Variants in STPG2 observed in about 807,000 individuals in gnomAD.
STPG2 encodes the protein sperm tail PG-rich repeat containing 2, also known as sperm-tail PG-rich repeat-containing protein 2.
STPG2 carries 56 observed loss-of-function variants against 54.2 expected under a neutral mutation model. The ratio of observed to expected loss-of-function variants is 1.03; its 90% confidence interval spans 0.83 to 1.29. STPG2 has a LOEUF of 1.29. STPG2 is among the 50% of genes most tolerant of loss of function. The pLI is 0.00. For missense variants in STPG2, 596 were observed against 544.9 expected (o/e 1.09, Z -0.93); for synonymous variants, 200 against 181.8 (o/e 1.10, Z -0.81).
At chr4:98,031,899 G>A (rs1736612251) in intron 5 of STPG2, among the ~76,000 whole-genome samples, 1 of 151,956 alleles carries the variant, frequency 6.6e-6, no homozygotes, top group Non-Finnish European at 1.5e-5. Flanking sequence ...ATCAAAAAGT[G>A]GGCTAAGGAC....
At chr4:97,493,340 G>A (rs1050447649) in intron 4 of STPG2, among the ~76,000 whole-genome samples, 1 of 151,408 alleles carries the variant, frequency 6.6e-6, no homozygotes, top group African/African-American at 2.4e-5. Context: ...GTAGTTTGTA[G>A]TGCAGCAATG....
intron 10 of STPG2, among the ~76,000 whole-genome samples, chr4:97,677,257 T>G (rs1722881160): frequency 6.6e-6 from 1 of 152,202 alleles, no homozygotes; most frequent in Non-Finnish European, 1.5e-5. Flanking sequence ...TTTGATGTAT[T>G]GAACAATTGA....
chr4:98,109,863 T>C (rs1466483850), intron 3 of STPG2, among the ~76,000 whole-genome samples: 4 of 152,136 alleles, frequency 2.6e-5, no homozygotes, highest in African/African-American at 9.7e-5. Flanking sequence ...AGAGAAATTA[T>C]TTGTGACATG....
intron 10 of STPG2, among the ~76,000 whole-genome samples, chr4:97,678,292 G>T (rs372790401): frequency 6.6e-6 from 1 of 152,002 alleles, no homozygotes; most frequent in Non-Finnish European, 1.5e-5. Context: ...TTAAATTACA[G>T]ATTTCTCTAC....
downstream of STPG2, among the ~76,000 whole-genome samples, chr4:97,556,803 T>C (rs192092215): frequency 6.0e-4 from 92 of 152,152 alleles, 1 homozygote; most frequent in Middle Eastern, 6.8e-3. Context: ...TTTTATAAGA[T>C]TGAAAGAATA....
chr4:97,583,272 G>A (rs1464030580), intron 10 of STPG2, among the ~76,000 whole-genome samples: 2 of 151,878 alleles, frequency 1.3e-5, no homozygotes, highest in Admixed American at 1.3e-4. Flanking sequence ...AATGGAAGAG[G>A]TGTTTTTAGG....
At chr4:98,094,152 T>C (rs1738774500) in intron 5 of STPG2, among the ~76,000 whole-genome samples, 1 of 152,132 alleles carries the variant, frequency 6.6e-6, no homozygotes, top group Non-Finnish European at 1.5e-5. Flanking sequence ...AGTGACTCCT[T>C]CCTTCTGCTT....
At chr4:98,046,842 T>A (rs913290144) in intron 5 of STPG2, among the ~76,000 whole-genome samples, 3 of 152,110 alleles carry the variant, frequency 2.0e-5, no homozygotes, top group Admixed American at 6.5e-5. Flanking sequence ...CAGAAACAGG[T>A]GGAATAGCTG....
intron 9 of STPG2, among the ~76,000 whole-genome samples, chr4:97,741,959 C>A (rs1578525287): frequency 6.6e-6 from 1 of 152,078 alleles, no homozygotes; most frequent in East Asian, 1.9e-4. Context: ...GACTTGGAAC[C>A]AACCCAAATG....
At chr4:98,021,103 A>G (rs1231505328) in intron 5 of STPG2, among the ~76,000 whole-genome samples, 14 of 151,414 alleles carry the variant, frequency 9.2e-5, no homozygotes, top group Non-Finnish European at 2.1e-4. Flanking sequence ...TCTTTTAATT[A>G]TGATGTTAGG....
At chr4:97,943,770 G>T in intron 8 of STPG2, 127 bp downstream of exon 8, 1 of 590,910 alleles carries the variant, frequency 1.7e-6, no homozygotes, top group Non-Finnish European at 2.8e-6. Context: ...AAAAGTATCG[G>T]TCTAGCCAAG....
At chr4:97,850,641 A>C (rs1379886538) in intron 8 of STPG2, among the ~76,000 whole-genome samples, 1 of 151,950 alleles carries the variant, frequency 6.6e-6, no homozygotes, top group Non-Finnish European at 1.5e-5. Context: ...AATAAAATAA[A>C]GAAGAGAAAG....
chr4:97,478,095 G>A (rs1553932287), intron 4 of STPG2, among the ~76,000 whole-genome samples: 1 of 152,112 alleles, frequency 6.6e-6, no homozygotes, highest in Non-Finnish European at 1.5e-5. Context: ...TTCAAATGAG[G>A]TTGCTGGTAT....
At chr4:97,970,852 CTA>C (rs1014060300) in intron 7 of STPG2, among the ~76,000 whole-genome samples, 1 of 152,190 alleles carries the variant, frequency 6.6e-6, no homozygotes, top group African/African-American at 2.4e-5. Context: ...GCAAAAGAAA[CTA>C]TCATCAGAGT....
At chr4:97,969,178 T>C (rs1734228685) in intron 7 of STPG2, among the ~76,000 whole-genome samples, 1 of 152,208 alleles carries the variant, frequency 6.6e-6, no homozygotes, top group East Asian at 1.9e-4. Flanking sequence ...CTATGGATTG[T>C]TTGTAAACAG....
chr4:98,129,891 CTT>C (rs1331121799), intron 2 of STPG2, among the ~76,000 whole-genome samples: 1 of 152,078 alleles, frequency 6.6e-6, no homozygotes, highest in Non-Finnish European at 1.5e-5. Context: ...AGTTTTTGCT[CTT>C]GTTGCCCAGG....
chr4:97,969,319 C>T (rs1734235587), intron 7 of STPG2, among the ~76,000 whole-genome samples: 1 of 152,196 alleles, frequency 6.6e-6, no homozygotes, highest in Non-Finnish European at 1.5e-5. Flanking sequence ...TTTCTGTATG[C>T]TGTACTTCTG....
At chr4:97,731,695 C>T (rs1370623224) in intron 9 of STPG2, among the ~76,000 whole-genome samples, 1 of 152,168 alleles carries the variant, frequency 6.6e-6, no homozygotes, top group Admixed American at 6.5e-5. Flanking sequence ...TCATAGACTG[C>T]TCTTGAGAAG....
At chr4:97,741,806 C>T (rs879599547) in intron 9 of STPG2, among the ~76,000 whole-genome samples, 134 of 151,804 alleles carry the variant, frequency 8.8e-4, no homozygotes, top group Non-Finnish European at 1.6e-3. Context: ...GTCAGTGTGG[C>T]GATTCCTCAG....
Sources: allele counts gnomAD v4.1 joint callset (sites outside exome capture counted in the v4.1 genomes callset), GRCh38; gene constraint gnomAD v4.1.1; transcripts MANE v1.5; gene names NCBI Gene and HGNC (gene_info 2026-07-23, HGNC 2026-07-21).